Variants in MTA3 observed in about 807,000 individuals in gnomAD.
MTA3 encodes metastasis associated 1 family member 3, also known as metastasis-associated protein MTA3.
A neutral mutation model predicts 83.5 loss-of-function variants in MTA3; 34 were observed. That is an observed-to-expected ratio of 0.41 (90% CI 0.31 to 0.54). The LOEUF (loss-of-function observed/expected upper bound fraction) is 0.54, where lower values mean the gene tolerates loss of function less well. Ranked by LOEUF, MTA3 falls within the 20% of genes least tolerant of loss-of-function variation. The pLI is 0.33. For missense variants in MTA3, 761 were observed against 726.4 expected, an observed-to-expected ratio of 1.05 and a Z score of -0.55; for synonymous variants, 303 against 252.7, an observed-to-expected ratio of 1.20 and a Z score of -1.89.
intron 2 of MTA3, among the ~76,000 whole-genome samples, chr2:42,514,043 A>C (rs1675022192): frequency 6.6e-6 from 1 of 152,138 alleles, no homozygotes. Context: ...GTGAAACCCC[A>C]TCTTTACTAA....
intron 2 of MTA3, among the ~76,000 whole-genome samples, chr2:42,558,839 G>GCCAC (rs1433671745): frequency 6.6e-6 from 1 of 151,806 alleles, no homozygotes; most frequent in Non-Finnish European, 1.5e-5. Context: ...ACAGGCGTGA[G>GCCAC]CCACCGTGCC....
intron 3 of MTA3, among the ~76,000 whole-genome samples, chr2:42,590,634 T>TTTTTTTTTTTTTTTG (rs1553351759): frequency 1.2e-4 from 2 of 16,614 alleles, no homozygotes. Flanking sequence ...TTTTTTTTTG[T>TTTTTTTTTTTTTTTG]GAGGTGGAGT....
intron 16 of MTA3, among the ~76,000 whole-genome samples, chr2:42,743,745 A>G (rs565502830): frequency 1.3e-5 from 2 of 152,214 alleles, no homozygotes; most frequent in South Asian, 2.1e-4. Context: ...CAACAGTTCT[A>G]ACTGTTGGCA....
chr2:42,673,988 T>C (rs1691092976), intron 8 of MTA3, among the ~76,000 whole-genome samples: 1 of 152,234 alleles, frequency 6.6e-6, no homozygotes, highest in African/African-American at 2.4e-5. Flanking sequence ...CAAGCATTGA[T>C]TTCTGATACA....
intron 2 of MTA3, among the ~76,000 whole-genome samples, chr2:42,499,998 G>GTAGC (rs1428785785): frequency 2.0e-5 from 3 of 151,374 alleles, no homozygotes; most frequent in African/African-American, 7.3e-5. Flanking sequence ...GCTGGGCATG[G>GTAGC]TAGCTCATGC....
At chr2:42,666,225 C>T (rs888461438) in intron 8 of MTA3, among the ~76,000 whole-genome samples, 1 of 152,036 alleles carries the variant, frequency 6.6e-6, no homozygotes, top group Non-Finnish European at 1.5e-5. Flanking sequence ...TGCAGTGAGC[C>T]GAGATCGTGC....
At chr2:42,556,144 GA>G (rs904921125) in intron 2 of MTA3, among the ~76,000 whole-genome samples, 3 of 150,640 alleles carry the variant, frequency 2.0e-5, no homozygotes, top group Admixed American at 1.3e-4. Flanking sequence ...GCTCCCTGGG[GA>G]AAAAAAAAGC....
chr2:42,745,712 C>T (rs574995134), intron 16 of MTA3, among the ~76,000 whole-genome samples: 11 of 151,768 alleles, frequency 7.2e-5, no homozygotes, highest in Admixed American at 7.2e-4. Flanking sequence ...TATATGCCAA[C>T]CAGATGTATC....
chr2:42,623,371 A>G (rs1685760015), intron 4 of MTA3, among the ~76,000 whole-genome samples: 1 of 152,120 alleles, frequency 6.6e-6, no homozygotes, highest in Non-Finnish European at 1.5e-5. Flanking sequence ...ATAAAAGGGA[A>G]TGGTTTTTCC....
chr2:42,530,742 A>C (rs947985440), intron 2 of MTA3, among the ~76,000 whole-genome samples: 5 of 150,236 alleles, frequency 3.3e-5, no homozygotes, highest in Non-Finnish European at 7.4e-5. Flanking sequence ...CCGAGATCAC[A>C]CCGTTGCACT....
intron 8 of MTA3, among the ~76,000 whole-genome samples, chr2:42,677,630 C>T (rs757814982): frequency 2.4e-4 from 36 of 152,172 alleles, no homozygotes; most frequent in Non-Finnish European, 4.6e-4. Flanking sequence ...GGGTATGAGC[C>T]ACCGTACCTC....
At chr2:42,549,487 AT>A (rs1676988401) in intron 2 of MTA3, among the ~76,000 whole-genome samples, 1 of 35,826 alleles carries the variant, frequency 2.8e-5, no homozygotes, top group Non-Finnish European at 3.8e-5. Context: ...ATATATTTAA[AT>A]TATATATTAT....
In MTA3 at chr2:42,753,680, C is replaced by T; in HGVS notation, c.*281C>T. On this transcript the variant is annotated 3_prime_UTR_variant, in exon 17 of 17. Transcript: ENST00000405094. ...AATTGAGGGGCTGAGGGAACCCCTC[C>T]ACCTCCTCCCTTCTGCAGCGCCCTG... 7.8e-7 allele frequency: 1 copy of T among 1,284,630 alleles called. No homozygotes were observed. The highest frequency in any genetic ancestry group is 9.9e-7 in the Non-Finnish European group (1 of 1,007,288). 79.6% of individuals were successfully genotyped at this position (1,284,630 alleles called of 1,614,324 possible).
chr2:42,609,783 C>G (rs1433616361), intron 4 of MTA3, among the ~76,000 whole-genome samples, 199 bp downstream of exon 4: 1 of 152,102 alleles, frequency 6.6e-6, no homozygotes, highest in African/African-American at 2.4e-5. Flanking sequence ...AGTAAAGTAA[C>G]CATTTTAACT....
At chr2:42,615,711 CTTTTTTTTTTTTTTTT>C (rs35331224) in intron 4 of MTA3, among the ~76,000 whole-genome samples, 3 of 59,794 alleles carry the variant, frequency 5.0e-5, no homozygotes, top group Admixed American at 2.8e-4. Context: ...ATAATCTCTT[CTTTTTTTTTTTTTTTT>C]TTTTTTTTTT....
At chr2:42,578,319 C>T (rs1679268345) in intron 2 of MTA3, among the ~76,000 whole-genome samples, 1 of 152,110 alleles carries the variant, frequency 6.6e-6, no homozygotes, top group South Asian at 2.1e-4. Flanking sequence ...GGAGCCTGGG[C>T]CCCAGCTGCA....
intron 8 of MTA3, among the ~76,000 whole-genome samples, chr2:42,681,427 A>G (rs1223292181): frequency 6.6e-6 from 1 of 152,204 alleles, no homozygotes; most frequent in African/African-American, 2.4e-5. Context: ...ACTCTCTGAT[A>G]CATAATCTGT....
intron 4 of MTA3, among the ~76,000 whole-genome samples, chr2:42,623,025 A>G (rs1470557496): frequency 6.6e-6 from 1 of 152,224 alleles, no homozygotes; most frequent in Non-Finnish European, 1.5e-5. Context: ...TTTATGACAA[A>G]GTCTCCATGG....
chr2:42,579,415 C>CTATA (rs201069400), intron 3 of MTA3, among the ~76,000 whole-genome samples: 2 of 136,894 alleles, frequency 1.5e-5, no homozygotes, highest in African/African-American at 2.7e-5. Flanking sequence ...AATTTTATAT[C>CTATA]TATATATATA....
Sources: gnomAD v4.1 joint callset for allele counts (sites outside exome capture counted in the v4.1 genomes callset) on GRCh38, gnomAD v4.1.1 for gene constraint, MANE v1.5 for transcripts, NCBI Gene and HGNC (gene_info 2026-07-23, HGNC 2026-07-21) for gene names.